Variants in DENND2B observed in about 807,000 individuals in gnomAD.
The protein encoded by DENND2B is DENN domain-containing protein 2B.
In DENND2B, 32 loss-of-function variants were observed where a neutral mutation model predicts 116.0. That is an observed-to-expected ratio of 0.28 (90% CI 0.21 to 0.37). The LOEUF is 0.37. Among genes scored for constraint, DENND2B ranks in the 10% least tolerant of loss-of-function variants. DENND2B has a pLI of 1.00. For synonymous variants in DENND2B, 588 were observed against 583.9 expected (o/e 1.01, Z -0.10); for missense variants, 1,276 against 1,477.7 (o/e 0.86, Z 2.24).
chr11:8,703,101 GC>G, intron 13 of DENND2B: 1 of 212,384 alleles, frequency 4.7e-6, no homozygotes, highest in Non-Finnish European at 9.6e-6. Context: ...AAAGGTCTAA[GC>G]CCCCAGTGCT....
intron 1 of DENND2B, among the ~76,000 whole-genome samples, chr11:8,903,892 A>G (rs2064203116): frequency 6.8e-6 from 1 of 147,608 alleles, no homozygotes; most frequent in African/African-American, 2.5e-5. Context: ...CTTGTCTCAA[A>G]AAAAAAAAAA....
At chr11:8,745,282 T>C (rs1259828127) in intron 2 of DENND2B, among the ~76,000 whole-genome samples, 1 of 152,172 alleles carries the variant, frequency 6.6e-6, no homozygotes, top group Non-Finnish European at 1.5e-5. Flanking sequence ...CTCAAACTCC[T>C]GGGCTCAAGC....
chr11:8,718,096 A>AACCCCCCCCCCCCCCCCCC, intron 4 of DENND2B: 2 of 65,008 alleles, frequency 3.1e-5, no homozygotes, highest in East Asian at 5.4e-4. Context: ...AAGCAGACCC[A>AACCCCCCCCCCCCCCCCCC]CCCCCCCACC....
chr11:8,896,444 T>C (rs2064102765), intron 1 of DENND2B, among the ~76,000 whole-genome samples: 1 of 152,218 alleles, frequency 6.6e-6, no homozygotes. Context: ...CGGGAAATAC[T>C]GTGACCTTTT....
rs550963040 is a variant in DENND2B, at chr11:8,807,582, G to C, written c.-26+2935C>G. Among the ~76,000 whole-genome samples, 7 of 152,336 alleles carry C rather than the reference G, an allele frequency of 4.6e-5. No individual in the cohort carries two copies. In the East Asian group the frequency reaches 9.6e-4, roughly 21 times the overall value. On this transcript the variant is annotated intron_variant, in intron 1 of 19. Coordinates refer to ENST00000313726, the MANE Select transcript of DENND2B (RefSeq NM_213618.2). The stretch of plus-strand genomic sequence containing the variant: ...GGTGACTGATATCTAATTTGAGAGA[G>C]AGAGAGCCCAAGGGGAGAAGGTACA...
intron 4 of DENND2B, among the ~76,000 whole-genome samples, chr11:8,824,929 CCT>C (rs1252341598): frequency 6.6e-6 from 1 of 150,644 alleles, no homozygotes; most frequent in Non-Finnish European, 1.5e-5. Flanking sequence ...GAACTCCTGA[CCT>C]CAAGTGATCT....
At chr11:8,750,130 G>A (rs556116181) in intron 2 of DENND2B, among the ~76,000 whole-genome samples, 1 of 152,292 alleles carries the variant, frequency 6.6e-6, no homozygotes, top group East Asian at 1.9e-4. Context: ...CTGAGAGCTC[G>A]CTATTTGGTA....
chr11:8,710,635 T>A (rs890383070), intron 11 of DENND2B, among the ~76,000 whole-genome samples: 1 of 152,026 alleles, frequency 6.6e-6, no homozygotes, highest in Non-Finnish European at 1.5e-5. Flanking sequence ...GAAGCACCAC[T>A]CTGAGCCCTG....
chr11:8,731,975 T>C (rs2048200231), intron 2 of DENND2B, among the ~76,000 whole-genome samples: 1 of 152,216 alleles, frequency 6.6e-6, no homozygotes, highest in African/African-American at 2.4e-5. Flanking sequence ...CTGTCTCCCC[T>C]GGGACTTCTG....
intron 1 of DENND2B, among the ~76,000 whole-genome samples, chr11:8,896,154 T>C (rs1021056395): frequency 1.6e-4 from 25 of 152,172 alleles, no homozygotes; most frequent in Admixed American, 6.6e-5. Context: ...ACTGGTATAA[T>C]ACTAACCCTG....
intron 1 of DENND2B, among the ~76,000 whole-genome samples, chr11:8,774,803 T>A (rs1452047779): frequency 6.6e-6 from 1 of 151,926 alleles, no homozygotes; most frequent in African/African-American, 2.4e-5. Context: ...GCTTCTCCCC[T>A]GGGGAGACTG....
intron 18 of DENND2B, chr11:8,696,039 C>T (rs949929853): frequency 7.6e-6 from 2 of 264,512 alleles, no homozygotes; most frequent in African/African-American, 2.2e-5. Flanking sequence ...CACCAACCTA[C>T]GACAGCTGGC....
At chr11:8,885,419 T>C (rs1840321035) in intron 1 of DENND2B, among the ~76,000 whole-genome samples, 1 of 152,092 alleles carries the variant, frequency 6.6e-6, no homozygotes, top group Non-Finnish European at 1.5e-5. Context: ...AGAAAGGATA[T>C]AAATTTGCTC....
intron 2 of DENND2B, among the ~76,000 whole-genome samples, chr11:8,858,711 G>A (rs2063283280): frequency 6.6e-6 from 1 of 152,166 alleles, no homozygotes; most frequent in South Asian, 2.1e-4. Flanking sequence ...AGGAGCAGAG[G>A]AGCCAGGACC....
intron 2 of DENND2B, among the ~76,000 whole-genome samples, chr11:8,735,549 C>T (rs2048877482): frequency 6.6e-6 from 1 of 152,276 alleles, no homozygotes; most frequent in Non-Finnish European, 1.5e-5. Flanking sequence ...TGGCCCATCC[C>T]ATCCCAATGC....
In DENND2B at chr11:8,738,811, C is replaced by T. The variant is rs1005829581; in HGVS notation, c.81-7602G>A. ...CATGAGCTGGTCCCTGCCTACTTTC[C>T]CCTTCATTATCCCACATTGTTTTCC... On this transcript the variant is annotated intron_variant, in intron 2 of 19. Coordinates refer to ENST00000313726, the MANE Select transcript of DENND2B (RefSeq NM_213618.2). 2.6e-5 allele frequency among the ~76,000 whole-genome samples: 4 copies of T among 152,278 alleles called. No homozygotes were observed. In the South Asian group the frequency reaches 6.2e-4, roughly 24 times the overall value.
intron 13 of DENND2B, among the ~76,000 whole-genome samples, chr11:8,706,185 C>T (rs1346191180): frequency 6.6e-6 from 1 of 152,222 alleles, no homozygotes; most frequent in African/African-American, 2.4e-5. Flanking sequence ...GGTGAGGCTG[C>T]AGTGAGCCAT....
intron 1 of DENND2B, among the ~76,000 whole-genome samples, chr11:8,760,643 A>G (rs2054441601): frequency 6.6e-6 from 1 of 152,228 alleles, no homozygotes; most frequent in South Asian, 2.1e-4. Context: ...GAGAAGAGAA[A>G]AGAAATACCA....
At chr11:8,806,572 C>T (rs1366040826) in intron 1 of DENND2B, among the ~76,000 whole-genome samples, 1 of 129,012 alleles carries the variant, frequency 7.8e-6, no homozygotes, top group African/African-American at 2.7e-5. Flanking sequence ...ATAAGGTAAT[C>T]TAGACTCATT....
Sources: allele counts gnomAD v4.1 joint callset (sites outside exome capture counted in the v4.1 genomes callset), GRCh38; gene constraint gnomAD v4.1.1; transcripts MANE v1.5; gene names NCBI Gene and HGNC (gene_info 2026-07-23, HGNC 2026-07-21).